The following NDUFA5 variants were observed in gnomAD, a reference collection of about 807,000 sequenced individuals.
NDUFA5 encodes NADH:ubiquinone oxidoreductase subunit A5.
A neutral mutation model predicts 19.8 loss-of-function variants in NDUFA5; 11 were observed. That is an observed-to-expected ratio of 0.56 (90% confidence interval 0.35 to 0.92). NDUFA5 has a LOEUF of 0.92. Among genes scored for constraint, NDUFA5 ranks in the 40% least tolerant of loss-of-function variants. The pLI is 0.01. For synonymous variants in NDUFA5, 47 were observed against 46.8 expected, an observed-to-expected ratio of 1.00 and a Z score of -0.01; for missense variants, 109 against 134.2, an observed-to-expected ratio of 0.81 and a Z score of 0.93.
chr7:123,546,082 A>T (rs777996718), intron 3 of NDUFA5, among the ~76,000 whole-genome samples: 67 of 152,272 alleles, frequency 4.4e-4, no homozygotes, highest in Non-Finnish European at 7.8e-4. Flanking sequence ...TATATTTTTT[A>T]AAAAACATGT....
At chr7:123,586,517 G>A in the NDUFA5 span, among the ~76,000 whole-genome samples, 11 of 151,554 alleles carry the variant, frequency 7.3e-5, no homozygotes, top group East Asian at 1.4e-3. Context: ...ATTTTCTTTC[G>A]TTGATTGTTT....
At chr7:123,565,485 T>A in the NDUFA5 span, among the ~76,000 whole-genome samples, 1 of 152,148 alleles carries the variant, frequency 6.6e-6, no homozygotes, top group Non-Finnish European at 1.5e-5. Context: ...AGATAACATA[T>A]GTTTTTATAT....
upstream of NDUFA5, among the ~76,000 whole-genome samples, chr7:123,562,198 CT>C: frequency 6.6e-6 from 1 of 152,078 alleles, no homozygotes; most frequent in African/African-American, 2.4e-5. Flanking sequence ...AAGAAATCTT[CT>C]TTTTTCTTAG....
At chr7:123,597,922 G>GTGTGTGTA in the NDUFA5 span, among the ~76,000 whole-genome samples, 24,825 of 117,116 alleles carry the variant, frequency 0.21, 2,225 homozygotes, top group East Asian at 0.4. Flanking sequence ...AACTTCGTGT[G>GTGTGTGTA]TGTGTGTGTG....
chr7:123,548,727 C>T (rs2116112251), intron 3 of NDUFA5, among the ~76,000 whole-genome samples: 1 of 152,292 alleles, frequency 6.6e-6, no homozygotes, highest in South Asian at 2.1e-4. Flanking sequence ...GGTTCCCAAA[C>T]ATGGCCACAC....
the NDUFA5 span, among the ~76,000 whole-genome samples, chr7:123,571,759 A>G: frequency 6.6e-6 from 1 of 152,208 alleles, no homozygotes; most frequent in African/African-American, 2.4e-5. Flanking sequence ...AGAAAAGTGA[A>G]AGAAGTTGAT....
chr7:123,593,252 G>A, the NDUFA5 span, among the ~76,000 whole-genome samples: 1 of 151,984 alleles, frequency 6.6e-6, no homozygotes, highest in East Asian at 1.9e-4. Context: ...CTTGTAATTG[G>A]GGCATTTAGC....
the NDUFA5 span, among the ~76,000 whole-genome samples, chr7:123,579,252 A>G: frequency 6.6e-6 from 1 of 152,082 alleles, no homozygotes; most frequent in African/African-American, 2.4e-5. Flanking sequence ...ATGGCTGTGT[A>G]GTATTTCATG....
upstream of NDUFA5, chr7:123,557,943 GC>G: frequency 7.2e-7 from 1 of 1,381,950 alleles, no homozygotes. Context: ...ACTCTGCCCC[GC>G]CCATCTTAAA....
chr7:123,545,902 G>GT, intron 3 of NDUFA5: 1 of 395,056 alleles, frequency 2.5e-6, no homozygotes, highest in Non-Finnish European at 4.5e-6. Flanking sequence ...GCTGATCAAG[G>GT]GACAGAAATA....
chr7:123,569,776 A>G, the NDUFA5 span, among the ~76,000 whole-genome samples: 1 of 152,154 alleles, frequency 6.6e-6, no homozygotes, highest in Non-Finnish European at 1.5e-5. Flanking sequence ...TGCAGGGGAC[A>G]TGTAGGAAAC....
chr7:123,544,498 CAAAAAAAA>C (rs754788912), intron 4 of NDUFA5, among the ~76,000 whole-genome samples: 1 of 72,956 alleles, frequency 1.4e-5, no homozygotes. Flanking sequence ...AACTCCATCT[CAAAAAAAA>C]AAAAAAAAAA....
chr7:123,544,586 G>A (rs1272307431), intron 4 of NDUFA5, among the ~76,000 whole-genome samples: 1 of 150,718 alleles, frequency 6.6e-6, no homozygotes, highest in African/African-American at 2.4e-5. Flanking sequence ...GAAAAAGTAT[G>A]TGCAGACAAT....
In NDUFA5 at chr7:123,538,804, T is replaced by TA. The variant is rs1797828360; in HGVS notation, c.*3314dup. On this transcript the variant is annotated 3_prime_UTR_variant, in exon 5 of 5. Coordinates refer to ENST00000355749, the MANE Select transcript of NDUFA5 (RefSeq NM_005000.5). ...CCCACAATACACTTGTGTAGGGTGT[T>TA]AGACTTCTGTATGTTTACATAATCA... is the stretch of plus-strand genomic sequence containing the variant. 1 of 152,192 alleles carries TA rather than the reference T, an allele frequency of 6.6e-6. No homozygotes were observed. The highest frequency in any genetic ancestry group is 2.4e-5 in the African/African-American group (1 of 41,450). 9.4% of individuals were successfully genotyped at this position (152,192 alleles called of 1,614,324 possible).
At chr7:123,589,195 C>G in the NDUFA5 span, among the ~76,000 whole-genome samples, 11 of 151,560 alleles carry the variant, frequency 7.3e-5, no homozygotes, top group African/African-American at 2.4e-4. Context: ...CTTAATATTT[C>G]CTTACTATGT....
At chr7:123,592,946 C>G in the NDUFA5 span, among the ~76,000 whole-genome samples, 3 of 151,924 alleles carry the variant, frequency 2.0e-5, no homozygotes, top group Non-Finnish European at 2.9e-5. Flanking sequence ...TTATGAATCT[C>G]GGTGCTCCTG....
In NDUFA5 at chr7:123,557,407, G is replaced by T. The variant is rs1215204901; in HGVS notation, c.63C>A (p.His21Gln). 6.2e-6 allele frequency: 10 copies of T among 1,613,572 alleles called. No homozygotes were observed. The highest frequency in any genetic ancestry group is 8.5e-6 in the Non-Finnish European group (10 of 1,179,810). ...AAGAAAGAACAAAGGTACATACCTC[G>T]TGAGGAGTATTGCACACAGCCAATC... ...LVGLAVCNTP[H>Q]ERLRILYTKI... The change falls in exon 2 of 5, where the codon CAC (histidine) becomes CAA (glutamine). Residue 21 changes from histidine (H) to glutamine (Q), a missense_variant. His to Gln is a conservative substitution (Grantham distance 24, BLOSUM62 0). Transcript: ENST00000355749.
At chr7:123,546,857 A>G (rs541705984) in intron 3 of NDUFA5, 29 of 476,556 alleles carry the variant, frequency 6.1e-5, no homozygotes, top group South Asian at 4.4e-4. Context: ...ATTAATTTCT[A>G]GAAACTGTGA....
chr7:123,589,898 G>A, the NDUFA5 span, among the ~76,000 whole-genome samples: 1 of 152,178 alleles, frequency 6.6e-6, no homozygotes, highest in Non-Finnish European at 1.5e-5. Context: ...TCGCCACGCT[G>A]TCTTCCACAA....
Sources: gnomAD v4.1 joint callset for allele counts (sites outside exome capture counted in the v4.1 genomes callset) on GRCh38, gnomAD v4.1.1 for gene constraint, MANE v1.5 for transcripts, NCBI Gene and HGNC (gene_info 2026-07-23, HGNC 2026-07-21) for gene names.